GABPB1: variants seen among roughly 807,000 people sequenced by gnomAD.
GABPB1 encodes the protein GA binding protein transcription factor subunit beta 1, also known as GA-binding protein subunit beta-1.
A neutral mutation model predicts 45.9 loss-of-function variants in GABPB1; 15 were observed. The ratio of observed to expected loss-of-function variants is 0.33; its 90% CI spans 0.22 to 0.50. The LOEUF (loss-of-function observed/expected upper bound fraction) is 0.50. GABPB1 is among the 20% of genes least tolerant of loss of function. The probability of loss-of-function intolerance (pLI) is 0.98; values close to 1 mark genes in which losing one functional copy is unlikely to be tolerated. For synonymous variants in GABPB1, 143 were observed against 154.4 expected (o/e 0.93, Z 0.55); for missense variants, 252 against 457.5 (o/e 0.55, Z 4.10).
intron 7 of GABPB1, among the ~76,000 whole-genome samples, chr15:50,287,637 C>T (rs1396495265): frequency 1.3e-5 from 2 of 152,252 alleles, no homozygotes; most frequent in African/African-American, 2.4e-5. Context: ...ACCTTGATCT[C>T]GCACTTTTAG....
intron 1 of GABPB1, among the ~76,000 whole-genome samples, chr15:50,343,154 C>T (rs937427293): frequency 6.6e-6 from 1 of 152,182 alleles, no homozygotes; most frequent in Non-Finnish European, 1.5e-5. Context: ...CCGCCTCGGC[C>T]TCCCAAAGTG....
chr15:50,313,441 C>A (rs1285797209), intron 1 of GABPB1, among the ~76,000 whole-genome samples: 1 of 152,018 alleles, frequency 6.6e-6, no homozygotes, highest in African/African-American at 2.4e-5. Context: ...GCAAATTTAA[C>A]AAGTTACAAA....
chr15:50,287,036 A>G (rs1358460447), intron 7 of GABPB1, among the ~76,000 whole-genome samples: 1 of 152,220 alleles, frequency 6.6e-6, no homozygotes, highest in African/African-American at 2.4e-5. Context: ...ATATTTATTT[A>G]GTACAATGTA....
intron 1 of GABPB1, among the ~76,000 whole-genome samples, chr15:50,336,246 G>C (rs952834773): frequency 6.6e-6 from 1 of 150,382 alleles, no homozygotes; most frequent in Non-Finnish European, 1.5e-5. Context: ...CTAGCTACTC[G>C]GGAGGCTGAG....
At chr15:50,318,411 G>GT (rs914052471) in intron 1 of GABPB1, among the ~76,000 whole-genome samples, 3 of 152,038 alleles carry the variant, frequency 2.0e-5, no homozygotes, top group African/African-American at 7.2e-5. Context: ...ACCTAATGGA[G>GT]TTTTTTTCCC....
intron 7 of GABPB1, 128 bp downstream of exon 7, chr15:50,289,355 G>A: frequency 1.6e-6 from 1 of 613,088 alleles, no homozygotes; most frequent in South Asian, 2.6e-5. Flanking sequence ...ACATTCTTTG[G>A]AACACATACC....
intron 6 of GABPB1, among the ~76,000 whole-genome samples, chr15:50,299,729 C>T (rs780019141): frequency 1.6e-4 from 25 of 152,126 alleles, no homozygotes; most frequent in Non-Finnish European, 3.2e-4. Context: ...TTTCTGTATA[C>T]TATTTCCTAG....
chr15:50,325,823 G>A (rs550148717), intron 1 of GABPB1, among the ~76,000 whole-genome samples: 43 of 152,134 alleles, frequency 2.8e-4, no homozygotes, highest in African/African-American at 9.9e-4. Flanking sequence ...GAGCCACTGC[G>A]CCCGGCCTGG....
chr15:50,308,587 C>A (rs2047022978), intron 2 of GABPB1, among the ~76,000 whole-genome samples: 1 of 152,188 alleles, frequency 6.6e-6, no homozygotes, highest in South Asian at 2.1e-4. Flanking sequence ...TATCAGACTT[C>A]TCTCCATGAA....
At chr15:50,354,334 G>A (rs778467125) in intron 1 of GABPB1, 16 of 447,226 alleles carry the variant, frequency 3.6e-5, no homozygotes, top group South Asian at 1.9e-4. Flanking sequence ...CCGCGGCCAA[G>A]GCTGTCGCTG....
At chr15:50,303,688 AAAAAAC>A (rs1489011628) in intron 3 of GABPB1, among the ~76,000 whole-genome samples, 1 of 151,346 alleles carries the variant, frequency 6.6e-6, no homozygotes, top group East Asian at 1.9e-4. Flanking sequence ...AAAAAAAAAA[AAAAAAC>A]AAAAAGAAAA....
chr15:50,299,724 G>A (rs1442026138), intron 6 of GABPB1, among the ~76,000 whole-genome samples: 1 of 152,092 alleles, frequency 6.6e-6, no homozygotes, highest in Non-Finnish European at 1.5e-5. Context: ...AGTGGTTTCT[G>A]TATACTATTT....
At chr15:50,289,759 G>T in intron 6 of GABPB1, 91 bp from the exon 7 acceptor site, 2 of 915,632 alleles carry the variant, frequency 2.2e-6, no homozygotes, top group Non-Finnish European at 3.2e-6. Flanking sequence ...TGCTTTCTAT[G>T]CTTCTTTCTT....
rs771065668 is a variant in GABPB1, at chr15:50,286,201, T to A, written c.884-18A>T. 4.1e-6 allele frequency: 6 copies of A among 1,461,796 alleles called. No homozygotes were observed. Among genetic ancestry groups the A allele is most frequent in the East Asian group, 2.4e-5 (1 of 42,200 alleles). The allele number at this position is 1,461,796 out of a possible 1,614,324, so 90.6% of individuals were successfully genotyped here. A position where few individuals can be genotyped will look rare whatever the true frequency, so the allele number is the denominator to read the frequency against. On this transcript the variant is annotated intron_variant, in intron 7 of 8. Coordinates refer to ENST00000380877, the MANE Select transcript of GABPB1 (RefSeq NM_016654.5). ...TGTTAATACTAAAATGAAAAAAAAA[T>A]TATGTATTACTTCATTTTCAGAGAG...
At chr15:50,314,838 C>G (rs1436902731) in intron 1 of GABPB1, among the ~76,000 whole-genome samples, 1 of 152,104 alleles carries the variant, frequency 6.6e-6, no homozygotes, top group Non-Finnish European at 1.5e-5. Context: ...TTGTTTTGTT[C>G]AGAAATTTAC....
At chr15:50,349,869 G>A (rs2048756197) in intron 1 of GABPB1, 1 of 151,984 alleles carries the variant, frequency 6.6e-6, no homozygotes, top group African/African-American at 2.4e-5. Context: ...AGAAAATTTG[G>A]ATAAGCAAAA....
At position 50,294,339 on chromosome 15, in the gene GABPB1, C is replaced by A. The variant is rs555043023; in HGVS notation, c.698-4671G>T. Among the ~76,000 whole-genome samples, 35 of 152,196 alleles carry A rather than the reference C, an allele frequency of 2.3e-4. 1 individual carries two copies. In the South Asian group the frequency reaches 6.7e-3, roughly 29 times the overall value. On this transcript the variant is annotated intron_variant, in intron 6 of 8. Transcript: ENST00000380877. ...GACCATCCTGGCCAAGATGGTGAAA[C>A]CCCGTCTCTACTAAAAATACAAAAA...
chr15:50,336,923 T>C (rs570222574), intron 1 of GABPB1, among the ~76,000 whole-genome samples: 37 of 150,840 alleles, frequency 2.5e-4, no homozygotes, highest in Admixed American at 2.2e-3. Context: ...TGTGTGCCTG[T>C]AGTCCCAGCT....
At chr15:50,336,353 C>CAA (rs1178314012) in intron 1 of GABPB1, among the ~76,000 whole-genome samples, 1,930 of 115,696 alleles carry the variant, frequency 0.017, 106 homozygotes, top group African/African-American at 0.044. Context: ...GACTCTGTCC[C>CAA]AAAAAAAAAA....
Sources: allele counts gnomAD v4.1 joint callset (sites outside exome capture counted in the v4.1 genomes callset), GRCh38; gene constraint gnomAD v4.1.1; transcripts MANE v1.5; gene names NCBI Gene and HGNC (gene_info 2026-07-23, HGNC 2026-07-21).